Variants in MARCHF6 observed in about 807,000 individuals in gnomAD.
MARCHF6 encodes the protein membrane associated ring-CH-type finger 6, also known as E3 ubiquitin-protein ligase MARCHF6.
In MARCHF6, 31 loss-of-function variants were observed where a neutral mutation model predicts 133.7. That is an observed-to-expected ratio of 0.23 (90% confidence interval 0.17 to 0.31). The LOEUF (loss-of-function observed/expected upper bound fraction) is 0.31. Among genes scored for constraint, MARCHF6 ranks in the 10% least tolerant of loss-of-function variants. The probability of loss-of-function intolerance (pLI) is 1.00; values close to 1 mark genes in which losing one functional copy is unlikely to be tolerated. For synonymous variants in MARCHF6, 395 were observed against 402.5 expected, an observed-to-expected ratio of 0.98 and a Z score of 0.22; for missense variants, 723 against 1,121.6, an observed-to-expected ratio of 0.64 and a Z score of 5.08.
chr5:10,432,119 A>G (rs897024594), intron 25 of MARCHF6, among the ~76,000 whole-genome samples: 4 of 152,328 alleles, frequency 2.6e-5, no homozygotes, highest in Middle Eastern at 3.4e-3. Context: ...AAACTGCCAA[A>G]ATATTTCCTT....
In MARCHF6 at chr5:10,436,221, A is replaced by G. The variant is rs1356604904; in HGVS notation, c.*2537A>G. ...CTTATCAATGTTTTGTAAACAAACA[A>G]TATGAATGGCCAAAAAATTGCCCTC... On this transcript the variant is annotated 3_prime_UTR_variant, in exon 26 of 26. Coordinates refer to ENST00000274140, the MANE Select transcript of MARCHF6 (RefSeq NM_005885.4). 6.6e-6 allele frequency: 1 copy of G among 152,206 alleles called. No homozygotes were observed. Among genetic ancestry groups the G allele is most frequent in the Non-Finnish European group, 1.5e-5 (1 of 68,032 alleles). The allele number at this position is 152,206 out of a possible 1,614,324, so 9.4% of individuals were successfully genotyped here.
intron 20 of MARCHF6, 160 bp from the exon 21 acceptor site, chr5:10,415,328 T>G (rs573671582): frequency 1.6e-5 from 11 of 679,852 alleles, no homozygotes; most frequent in Non-Finnish European, 2.7e-5. Context: ...TGTGTACTCT[T>G]TAGACATTGT....
At chr5:10,364,992 G>A (rs583314) in intron 1 of MARCHF6, among the ~76,000 whole-genome samples, 32 of 151,854 alleles carry the variant, frequency 2.1e-4, no homozygotes, top group Middle Eastern at 3.4e-3. Flanking sequence ...TAGTAGAGAC[G>A]GGGTTTCACC....
At chr5:10,394,816 T>G (rs1327404152) in intron 9 of MARCHF6, 31 bp downstream of exon 9, 1 of 1,396,884 alleles carries the variant, frequency 7.2e-7, no homozygotes, top group African/African-American at 1.4e-5. Flanking sequence ...TTTTTTTTTT[T>G]TGAGACGGAA....
At position 10,410,288 on chromosome 5, in the gene MARCHF6, C is replaced by T. The variant is rs768062558; in HGVS notation, c.1691+12C>T. ...GCCGGATACTTGCTGTGAGTATGGG[C>T]AGCTGACTCCTTGGACATGCATGTC... On this transcript the variant is annotated intron_variant, in intron 18 of 25. Transcript: ENST00000274140. 1 of 1,611,304 alleles carries T rather than the reference C, an allele frequency of 6.2e-7. No homozygotes were observed.
chr5:10,382,951 A>T (rs1737244084), intron 4 of MARCHF6, among the ~76,000 whole-genome samples: 1 of 152,198 alleles, frequency 6.6e-6, no homozygotes, highest in South Asian at 2.1e-4. Context: ...CCCCTAATCA[A>T]TCCAAAGAAT....
chr5:10,408,656 A>T (rs1739046851), intron 17 of MARCHF6, among the ~76,000 whole-genome samples: 1 of 152,162 alleles, frequency 6.6e-6, no homozygotes, highest in Non-Finnish European at 1.5e-5. Context: ...TTCCCACTTC[A>T]GCGTCCCGGG....
chr5:10,356,343 A>T (rs6886431), intron 1 of MARCHF6, among the ~76,000 whole-genome samples: 42 of 101,492 alleles, frequency 4.1e-4, no homozygotes, highest in African/African-American at 1.1e-3. Context: ...TCTGTTTTTT[A>T]TTTATTTTAT....
rs1447041528 is a variant in MARCHF6 at position 10,391,676 on chromosome 5, G to C, written c.711G>C (p.Glu237Asp). 2 of 1,607,016 alleles carry C rather than the reference G, an allele frequency of 1.2e-6. No homozygotes were observed. The highest frequency in any genetic ancestry group is 1.7e-6 in the Non-Finnish European group (2 of 1,176,788). ...CAGAAGAGGAGGAGGAGGACAATGA[G>C]GAGGAAGATGACGCTGGTGTGGAGG... ...DQAEEEEEDN[E>D]EEDDAGVEDA... The change falls in exon 7 of 26, where the codon GAG becomes GAC. Residue 237 changes from glutamate to aspartate, a missense_variant. This residue lies in a region of MARCHF6 where 97 missense variants were observed against 115.4 expected (regional missense o/e 0.84). Coordinates refer to ENST00000274140, the MANE Select transcript of MARCHF6 (RefSeq NM_005885.4).
At chr5:10,396,503 C>G (rs1386740935) in intron 9 of MARCHF6, among the ~76,000 whole-genome samples, 1 of 152,152 alleles carries the variant, frequency 6.6e-6, no homozygotes, top group Non-Finnish European at 1.5e-5. Context: ...ACCCTTCTTT[C>G]TGGTTGGATT....
rs185511977 is a variant in MARCHF6, at chr5:10,369,878, A to G, written c.20-7920A>G. ...TGTAGGGATGTACCAAAGTTTATCTATTACCCAGTTGTGGAATTCTTGAGT... is the reference window on the plus strand; with the variant it reads ...TGTAGGGATGTACCAAAGTTTATCTGTTACCCAGTTGTGGAATTCTTGAGT... On this transcript the variant is annotated intron_variant, in intron 1 of 25. Coordinates refer to ENST00000274140, the MANE Select transcript of MARCHF6 (RefSeq NM_005885.4). Among the ~76,000 whole-genome samples, 55 of 152,120 alleles carry G rather than the reference A, an allele frequency of 3.6e-4. No homozygotes were observed. In the East Asian group the frequency reaches 6.2e-3, roughly 17 times the overall value.
At chr5:10,397,219 A>G (rs1476873104) in intron 9 of MARCHF6, 74 bp from the exon 10 acceptor site, 4 of 1,099,538 alleles carry the variant, frequency 3.6e-6, no homozygotes, top group South Asian at 3.4e-5. Context: ...CTCTAGCTAA[A>G]TAAGTGGAAT....
rs188813881 is a variant in MARCHF6, at chr5:10,366,018, C to T, written c.20-11780C>T. 6.6e-5 allele frequency among the ~76,000 whole-genome samples: 10 copies of T among 152,076 alleles called. No individual in the cohort carries two copies. The South Asian group carries it at 1.0e-3, about 16-fold the overall frequency. ...CGCAATTTCGGTTCACTGCAACCTC[C>T]GCCTCCTGGGTTGAAATGATTCTTG... On this transcript the variant is annotated intron_variant, in intron 1 of 25. Coordinates refer to ENST00000274140, the MANE Select transcript of MARCHF6 (RefSeq NM_005885.4).
At chr5:10,424,109 A>G (rs1309581990) in intron 23 of MARCHF6, among the ~76,000 whole-genome samples, 1 of 152,228 alleles carries the variant, frequency 6.6e-6, no homozygotes, top group African/African-American at 2.4e-5. Flanking sequence ...TATTTCATAT[A>G]TACATGGAGA....
chr5:10,411,067 A>G (rs1739203194), intron 18 of MARCHF6, among the ~76,000 whole-genome samples: 1 of 152,104 alleles, frequency 6.6e-6, no homozygotes, highest in South Asian at 2.1e-4. Context: ...TTTTTCTTTC[A>G]GTTACTGATT....
At chr5:10,402,678 A>G in intron 14 of MARCHF6, 71 bp downstream of exon 14, 2 of 1,258,278 alleles carry the variant, frequency 1.6e-6, no homozygotes, top group Non-Finnish European at 2.3e-6. Flanking sequence ...TTCAGCATGT[A>G]TTCTTTTTAA....
intron 22 of MARCHF6, among the ~76,000 whole-genome samples, chr5:10,421,019 G>A (rs1355754846): frequency 6.6e-6 from 1 of 152,110 alleles, no homozygotes; most frequent in Non-Finnish European, 1.5e-5. Flanking sequence ...TCTCCATGAT[G>A]TGTTACTCCC....
Position 10,402,008 on chromosome 5 carries a change from T to C in MARCHF6, c.973-51T>C, listed in dbSNP as rs761278003. 6.8e-6 allele frequency: 7 copies of C among 1,033,194 alleles called. No individual in the cohort carries two copies. In the Middle Eastern group the frequency reaches 6.5e-4, roughly 96 times the overall value. The allele number at this position is 1,033,194 out of a possible 1,614,324, so 64.0% of individuals were successfully genotyped here. A position where few individuals can be genotyped will look rare whatever the true frequency, so the allele number is the denominator to read the frequency against. On this transcript the variant is annotated intron_variant, in intron 11 of 25. Coordinates refer to ENST00000274140, the MANE Select transcript of MARCHF6 (RefSeq NM_005885.4). ...ATTGTTTAATATGGGAAAACCGGGG[T>C]GTAGAACATGTTGTAAAATTAAATT...
At chr5:10,377,361 C>G (rs1289108974) in intron 1 of MARCHF6, among the ~76,000 whole-genome samples, 1 of 152,156 alleles carries the variant, frequency 6.6e-6, no homozygotes, top group African/African-American at 2.4e-5. Flanking sequence ...CTTCTAACTG[C>G]TGTTATTGTG....
Sources: allele counts gnomAD v4.1 joint callset (sites outside exome capture counted in the v4.1 genomes callset), GRCh38; gene constraint gnomAD v4.1.1; regional missense constraint gnomAD v4.1.1; transcripts MANE v1.5; gene names NCBI Gene and HGNC (gene_info 2026-07-23, HGNC 2026-07-21).